The following RIC8B variants were observed in gnomAD, a reference collection of about 807,000 sequenced individuals.
RIC8B encodes RIC8 guanine nucleotide exchange factor B, also known as chaperone Ric-8B.
RIC8B carries 16 observed loss-of-function variants against 57.5 expected under a neutral mutation model. The ratio of observed to expected loss-of-function variants is 0.28; its 90% CI spans 0.19 to 0.42. The LOEUF (loss-of-function observed/expected upper bound fraction) is 0.42, where lower values mean the gene tolerates loss of function less well. Among genes scored for constraint, RIC8B ranks in the 10% least tolerant of loss-of-function variants. The pLI, the probability that RIC8B is intolerant of heterozygous loss-of-function variation, is 1.00. For synonymous variants in RIC8B, 216 were observed against 250.8 expected (o/e 0.86, Z 1.31); for missense variants, 481 against 677.0 (o/e 0.71, Z 3.21).
intron 9 of RIC8B, chr12:106,873,105 C>T: frequency 1.0e-6 from 1 of 985,326 alleles, no homozygotes; most frequent in Non-Finnish European, 1.2e-6. Context: ...CCAGCTTCCA[C>T]CTGATTTAAA....
intron 1 of RIC8B, among the ~76,000 whole-genome samples, chr12:106,778,537 G>A (rs1047057679): frequency 1.3e-5 from 2 of 151,976 alleles, no homozygotes; most frequent in African/African-American, 4.8e-5. Context: ...ATTATCCCAA[G>A]CATTTTCACA....
intron 7 of RIC8B, among the ~76,000 whole-genome samples, chr12:106,853,904 GC>G (rs1949602099): frequency 6.6e-6 from 1 of 152,128 alleles, no homozygotes; most frequent in African/African-American, 2.4e-5. Context: ...CAGTGTTTCT[GC>G]CCATGTATTA....
In RIC8B at chr12:106,889,002, A is replaced by C. The variant is rs1951299388; in HGVS notation, c.*2987A>C. 6.6e-6 allele frequency: 1 copy of C among 152,294 alleles called. No individual in the cohort carries two copies. Among genetic ancestry groups the C allele is most frequent in the Non-Finnish European group, 1.5e-5 (1 of 68,016 alleles). The allele number at this position is 152,294 out of a possible 1,614,324, so 9.4% of individuals were successfully genotyped here. A position where few individuals can be genotyped will look rare whatever the true frequency, so the allele number is the denominator to read the frequency against. On this transcript the variant is annotated 3_prime_UTR_variant, in exon 10 of 10. Coordinates refer to ENST00000392837, the MANE Select transcript of RIC8B (RefSeq NM_001330145.2). ...ACTCTAAACACCCCCTTAGTGCCAC[A>C]TCAGTCTCGCCACCTCCCAGGACTA...
At chr12:106,814,598 G>T in intron 2 of RIC8B, 98 bp from the exon 3 acceptor site, 1 of 1,257,036 alleles carries the variant, frequency 8.0e-7, no homozygotes, top group South Asian at 1.5e-5. Context: ...TTTCTCTCTG[G>T]ATTTTTAACT....
chr12:106,875,202 G>T (rs200140791), intron 9 of RIC8B, among the ~76,000 whole-genome samples: 1 of 125,778 alleles, frequency 8.0e-6, no homozygotes. Context: ...AATATAGAAT[G>T]ATAACTGTAA....
In RIC8B at chr12:106,885,982, T is replaced by C. The variant is rs777931550; in HGVS notation, c.1650T>C (p.Ser550=). Reference sequence around the variant, plus strand: ...TGGAGGAAGCACTCAACCAGTACTCTGTCATCGAAGAGACCAGCTCTGACA... The same window carrying C: ...TGGAGGAAGCACTCAACCAGTACTCCGTCATCGAAGAGACCAGCTCTGACA... ...TPLEEALNQY[S]VIEETSSDTD is the part of the protein sequence containing the mutation. The change falls in exon 10 of 10, where the codon TCT becomes TCC. Residue 550 remains serine, a synonymous_variant. Transcript: ENST00000392837. The C allele has an allele frequency of 1.9e-6, 3 of 1,613,790 alleles. No individual in the cohort carries two copies. Among genetic ancestry groups the C allele is most frequent in the Non-Finnish European group, 2.5e-6 (3 of 1,179,770 alleles).
chr12:106,796,472 C>T (rs1375649563), intron 2 of RIC8B, among the ~76,000 whole-genome samples: 1 of 152,100 alleles, frequency 6.6e-6, no homozygotes, highest in African/African-American at 2.4e-5. Flanking sequence ...ACAAATGGTG[C>T]TGTGACACTT....
chr12:106,776,415 A>G (rs1303908807), intron 1 of RIC8B, among the ~76,000 whole-genome samples: 1 of 152,226 alleles, frequency 6.6e-6, no homozygotes, highest in African/African-American at 2.4e-5. Flanking sequence ...AAATGCAAAG[A>G]GAACTTGGCC....
chr12:106,783,920 T>TAC, intron 1 of RIC8B, 77 bp from the exon 2 acceptor site: 1 of 1,311,740 alleles, frequency 7.6e-7, no homozygotes, highest in Non-Finnish European at 1.1e-6. Flanking sequence ...GACATTATTT[T>TAC]AGATGCTATT....
rs201411394 is a variant in RIC8B at position 106,809,522 on chromosome 12, CA to C, written c.133-5151del. ...TGGGAGACAGAGAAGACTCTTGTCT[CA>C]AAAAAAAAAAAAAAAAAAAAAAGAA... On this transcript the variant is annotated intron_variant, in intron 2 of 9. Coordinates refer to ENST00000392837, the MANE Select transcript of RIC8B (RefSeq NM_001330145.2). 8.1e-3 allele frequency among the ~76,000 whole-genome samples: 857 copies of C among 105,498 alleles called. 2 individuals are homozygous for C. The highest frequency in any genetic ancestry group is 0.027 in the African/African-American group (772 of 28,316). The allele number at this position is 105,498 out of a possible 152,430, so 69.2% of individuals were successfully genotyped here. A position where few individuals can be genotyped will look rare whatever the true frequency, so the allele number is the denominator to read the frequency against.
At chr12:106,802,534 AT>A (rs34706345) in intron 2 of RIC8B, among the ~76,000 whole-genome samples, 13,301 of 102,014 alleles carry the variant, frequency 0.13, 897 homozygotes, top group East Asian at 0.19. Context: ...CAATATGAGA[AT>A]TTTTTTTTTT....
At chr12:106,804,137 C>T (rs2044880494) in intron 2 of RIC8B, among the ~76,000 whole-genome samples, 3 of 152,002 alleles carry the variant, frequency 2.0e-5, no homozygotes, top group Admixed American at 1.3e-4. Flanking sequence ...TTGACTAATT[C>T]TAGGGTAGCA....
intron 7 of RIC8B, among the ~76,000 whole-genome samples, chr12:106,854,798 AAAG>A: frequency 6.6e-6 from 1 of 152,194 alleles, no homozygotes; most frequent in South Asian, 2.1e-4. Flanking sequence ...AAAAAAGAAA[AAAG>A]AAAGAGGTAA....
chr12:106,826,316 A>T (rs1053210985), intron 4 of RIC8B, among the ~76,000 whole-genome samples: 2 of 152,182 alleles, frequency 1.3e-5, no homozygotes, highest in African/African-American at 2.4e-5. Context: ...TGGGATTTAA[A>T]CCCTGCTTTT....
At chr12:106,839,827 G>GGA (rs971619751) in intron 4 of RIC8B, among the ~76,000 whole-genome samples, 4 of 152,148 alleles carry the variant, frequency 2.6e-5, no homozygotes, top group African/African-American at 9.7e-5. Context: ...ACCAGCTTGG[G>GGA]GAGCATAGTG....
At chr12:106,846,723 C>CAAAA (rs35399211) in intron 6 of RIC8B, among the ~76,000 whole-genome samples, 12,787 of 120,134 alleles carry the variant, frequency 0.11, 755 homozygotes, top group Middle Eastern at 0.16. Flanking sequence ...ACAGAACAGC[C>CAAAA]AAAAAAAAAA....
At position 106,797,040 on chromosome 12, in the gene RIC8B, C is replaced by G. The variant is rs573814560; in HGVS notation, c.132+12996C>G. On this transcript the variant is annotated intron_variant, in intron 2 of 9. Coordinates refer to ENST00000392837, the MANE Select transcript of RIC8B (RefSeq NM_001330145.2). ...AGTGTTGACAAGAACTGGAAGAAAT[C>G]AAAATCCCCATACACTGCTGGTGGG... Among the ~76,000 whole-genome samples, 36 of 152,268 alleles carry G rather than the reference C, an allele frequency of 2.4e-4. 1 individual carries two copies. In the East Asian group the frequency reaches 6.2e-3, roughly 26 times the overall value.
intron 4 of RIC8B, among the ~76,000 whole-genome samples, chr12:106,830,411 G>T (rs1324723282): frequency 2.6e-5 from 4 of 152,216 alleles, no homozygotes; most frequent in Non-Finnish European, 5.9e-5. Context: ...ATACAGCACA[G>T]TCTCTGTTCT....
chr12:106,850,900 T>A (rs1949441996), intron 6 of RIC8B, among the ~76,000 whole-genome samples: 1 of 152,058 alleles, frequency 6.6e-6, no homozygotes, highest in Non-Finnish European at 1.5e-5. Flanking sequence ...CATTTCTGAT[T>A]TCAGATTCTA....
Sources: allele counts gnomAD v4.1 joint callset (sites outside exome capture counted in the v4.1 genomes callset), GRCh38; gene constraint gnomAD v4.1.1; transcripts MANE v1.5; gene names NCBI Gene and HGNC (gene_info 2026-07-23, HGNC 2026-07-21).